The following KCTD8 variants were observed in gnomAD, a reference collection of about 807,000 sequenced individuals.
KCTD8 encodes the protein BTB/POZ domain-containing protein KCTD8.
KCTD8 carries 27 observed loss-of-function variants against 31.5 expected under a neutral mutation model. The observed-to-expected ratio is 0.86, with a 90% CI of 0.63 to 1.18. The LOEUF is 1.18. Ranked by LOEUF, KCTD8 falls within the 50% of genes most tolerant of loss-of-function variation. The probability of loss-of-function intolerance (pLI) is 0.00; values close to 1 mark genes in which losing one functional copy is unlikely to be tolerated. For synonymous variants in KCTD8, 290 were observed against 280.0 expected, an observed-to-expected ratio of 1.04 and a Z score of -0.36; for missense variants, 658 against 647.7, an observed-to-expected ratio of 1.02 and a Z score of -0.17.
At chr4:44,227,746 C>T (rs1335062699) in intron 1 of KCTD8, among the ~76,000 whole-genome samples, 1 of 152,148 alleles carries the variant, frequency 6.6e-6, no homozygotes, top group Non-Finnish European at 1.5e-5. Context: ...GCCTAAGAGG[C>T]AGAGTTGATT....
intron 1 of KCTD8, among the ~76,000 whole-genome samples, chr4:44,348,152 C>T (rs985407191): frequency 1.3e-5 from 2 of 152,136 alleles, no homozygotes; most frequent in Non-Finnish European, 2.9e-5. Flanking sequence ...CAAAAAAGAA[C>T]ATGCAACTTT....
At chr4:44,444,098 A>G (rs1164134027) in intron 1 of KCTD8, among the ~76,000 whole-genome samples, 1 of 152,196 alleles carries the variant, frequency 6.6e-6, no homozygotes, top group Non-Finnish European at 1.5e-5. Context: ...GGGTTCATGT[A>G]GCCAAATAAA....
intron 1 of KCTD8, among the ~76,000 whole-genome samples, chr4:44,222,017 T>C (rs1714822650): frequency 1.3e-5 from 2 of 152,192 alleles, no homozygotes; most frequent in Admixed American, 6.5e-5. Context: ...TCAATAACCA[T>C]GTCTGTGATA....
intron 1 of KCTD8, among the ~76,000 whole-genome samples, chr4:44,235,592 G>GAGAC (rs1354226859): frequency 9.5e-5 from 13 of 136,846 alleles, no homozygotes; most frequent in African/African-American, 3.4e-4. Flanking sequence ...GAGAGAGAGA[G>GAGAC]AGAGAGAGAG....
chr4:44,303,735 C>T (rs1038734193), intron 1 of KCTD8, among the ~76,000 whole-genome samples: 2 of 151,828 alleles, frequency 1.3e-5, no homozygotes, highest in Non-Finnish European at 2.9e-5. Context: ...ATTGCTTGAG[C>T]CCAGGAGGCA....
intron 1 of KCTD8, among the ~76,000 whole-genome samples, chr4:44,217,600 C>A (rs543456237): frequency 4.4e-4 from 67 of 152,212 alleles, no homozygotes; most frequent in African/African-American, 1.6e-3. Flanking sequence ...CAGTGGACTG[C>A]GGAAGGAAGA....
Position 44,174,675 on chromosome 4 carries a change from T to C in KCTD8, c.*115A>G. 2 of 777,554 alleles carry C rather than the reference T, an allele frequency of 2.6e-6. No individual in the cohort carries two copies. The highest frequency in any genetic ancestry group is 4.1e-6 in the Non-Finnish European group (2 of 484,542). The allele number at this position is 777,554 out of a possible 1,614,324, so 48.2% of individuals were successfully genotyped here. ...GAAAATACTGTCCCACATCCACTGTTCACAACAAGGAAGAGCAGCAAGAAT... is the reference window on the plus strand; with the variant it reads ...GAAAATACTGTCCCACATCCACTGTCCACAACAAGGAAGAGCAGCAAGAAT... On this transcript the variant is annotated 3_prime_UTR_variant, in exon 2 of 2. Coordinates refer to ENST00000360029, the MANE Select transcript of KCTD8 (RefSeq NM_198353.3).
chr4:44,235,057 A>C (rs2109354160), intron 1 of KCTD8, among the ~76,000 whole-genome samples: 1 of 152,246 alleles, frequency 6.6e-6, no homozygotes, highest in African/African-American at 2.4e-5. Context: ...AAAACCATTA[A>C]GTCAAAACAT....
intron 1 of KCTD8, among the ~76,000 whole-genome samples, chr4:44,281,822 A>C (rs1716913294): frequency 6.6e-6 from 1 of 152,052 alleles, no homozygotes. Flanking sequence ...AAATAATTAA[A>C]ACCAGAGGCC....
intron 1 of KCTD8, among the ~76,000 whole-genome samples, chr4:44,395,725 T>G (rs1347553757): frequency 6.6e-6 from 1 of 152,150 alleles, no homozygotes; most frequent in Non-Finnish European, 1.5e-5. Context: ...TACTATTTTC[T>G]GACTGGTCCT....
At chr4:44,190,976 A>G (rs1713747897) in intron 1 of KCTD8, among the ~76,000 whole-genome samples, 1 of 152,192 alleles carries the variant, frequency 6.6e-6, no homozygotes, top group South Asian at 2.1e-4. Context: ...TGCTGTTTGT[A>G]TTTGTTATTG....
intron 1 of KCTD8, among the ~76,000 whole-genome samples, chr4:44,257,469 G>A (rs1270060000): frequency 2.6e-5 from 4 of 151,918 alleles, no homozygotes; most frequent in African/African-American, 7.3e-5. Flanking sequence ...TTAGGGCACT[G>A]TTTTCATGCC....
chr4:44,377,758 C>T (rs1719952437), intron 1 of KCTD8, among the ~76,000 whole-genome samples: 3 of 152,204 alleles, frequency 2.0e-5, no homozygotes, highest in Admixed American at 2.0e-4. Context: ...AAGAAAACCA[C>T]ATGATCAAAC....
Position 44,447,543 on chromosome 4 carries a change from C to G in KCTD8, c.961+20G>C. 6.6e-7 allele frequency: 1 copy of G among 1,523,224 alleles called. No individual in the cohort carries two copies. The highest frequency in any genetic ancestry group is 8.9e-7 in the Non-Finnish European group (1 of 1,129,732). The allele number at this position is 1,523,224 out of a possible 1,614,324, so 94.4% of individuals were successfully genotyped here. A position where few individuals can be genotyped will look rare whatever the true frequency, so the allele number is the denominator to read the frequency against. ...GCAGGGGGCGAGGGGTGCTGGGAAA[C>G]GCCGGGGCTGCGAACTTACGGAAGA... is the stretch of plus-strand genomic sequence containing the variant. On this transcript the variant is annotated intron_variant, in intron 1 of 1. Transcript: ENST00000360029.
intron 1 of KCTD8, among the ~76,000 whole-genome samples, chr4:44,340,306 TTG>T (rs1491026101): frequency 1.4e-4 from 20 of 146,534 alleles, no homozygotes; most frequent in Admixed American, 2.8e-4. Context: ...ATGTACATTT[TTG>T]TTTTTTTTGA....
At position 44,216,505 on chromosome 4, in the gene KCTD8, A is replaced by C. The variant is rs187435894; in HGVS notation, c.962-41255T>G. Among the ~76,000 whole-genome samples, 4 of 152,264 alleles carry C rather than the reference A, an allele frequency of 2.6e-5. No individual in the cohort carries two copies. The East Asian group carries it at 7.7e-4, about 29-fold the overall frequency. ...GGCACTGTTATCATAATTAATGAAG[A>C]TATCCCAATATTTCTGAATGAATAG... On this transcript the variant is annotated intron_variant, in intron 1 of 1. Coordinates refer to ENST00000360029, the MANE Select transcript of KCTD8 (RefSeq NM_198353.3).
At chr4:44,176,136 G>T (rs1351256457) in intron 1 of KCTD8, among the ~76,000 whole-genome samples, 1 of 152,094 alleles carries the variant, frequency 6.6e-6, no homozygotes. Context: ...ATTAAATGGA[G>T]CCCAACAATT....
At chr4:44,347,654 A>G (rs1250120875) in intron 1 of KCTD8, among the ~76,000 whole-genome samples, 4 of 152,214 alleles carry the variant, frequency 2.6e-5, no homozygotes, top group Admixed American at 2.6e-4. Context: ...TTTGTATATG[A>G]CCTCAATATA....
intron 1 of KCTD8, among the ~76,000 whole-genome samples, chr4:44,261,952 G>C (rs1249069368): frequency 6.6e-6 from 1 of 151,978 alleles, no homozygotes; most frequent in Admixed American, 6.6e-5. Flanking sequence ...GAGAGGAGAG[G>C]CCTCAGAATT....
Sources: gnomAD v4.1 joint callset for allele counts (sites outside exome capture counted in the v4.1 genomes callset) on GRCh38, gnomAD v4.1.1 for gene constraint, MANE v1.5 for transcripts, NCBI Gene and HGNC (gene_info 2026-07-23, HGNC 2026-07-21) for gene names.